SORCS3: variants seen among roughly 807,000 people sequenced by gnomAD.
The protein encoded by SORCS3 is VPS10 domain-containing receptor SorCS3.
Under a neutral mutation model 146.3 loss-of-function variants are expected in SORCS3, and 57 were observed. The ratio of observed to expected loss-of-function variants is 0.39; its 90% CI spans 0.31 to 0.49. The LOEUF (loss-of-function observed/expected upper bound fraction) is 0.49, where lower values mean the gene tolerates loss of function less well. Among genes scored for constraint, SORCS3 ranks in the 20% least tolerant of loss-of-function variants. SORCS3 has a pLI of 0.92. For missense variants in SORCS3, 1,341 were observed against 1,575.5 expected, an observed-to-expected ratio of 0.85 and a Z score of 2.52; for synonymous variants, 653 against 618.5, an observed-to-expected ratio of 1.06 and a Z score of -0.83.
chr10:105,001,429 G>A (rs1297858031), intron 4 of SORCS3, among the ~76,000 whole-genome samples: 5 of 152,342 alleles, frequency 3.3e-5, no homozygotes, highest in African/African-American at 1.2e-4. Context: ...TGTCTAAGTG[G>A]TTCTTTGAAG....
intron 23 of SORCS3, among the ~76,000 whole-genome samples, chr10:105,255,118 G>A (rs189100898): frequency 2.6e-5 from 4 of 151,324 alleles, no homozygotes; most frequent in South Asian, 4.2e-4. Context: ...AACCCGGGGG[G>A]GCGGAGCCTG....
At chr10:104,853,013 G>T (rs145481274) in intron 2 of SORCS3, among the ~76,000 whole-genome samples, 40 of 152,230 alleles carry the variant, frequency 2.6e-4, no homozygotes, top group Admixed American at 4.6e-4. Flanking sequence ...AAAAACTGGG[G>T]AATAGGCCGG....
intron 2 of SORCS3, among the ~76,000 whole-genome samples, chr10:104,876,595 G>A (rs1349379588): frequency 1.3e-5 from 2 of 152,104 alleles, no homozygotes; most frequent in African/African-American, 2.4e-5. Context: ...TCATGGCTCT[G>A]ACCCTTGTTG....
chr10:105,245,813 G>T, intron 21 of SORCS3, 148 bp downstream of exon 21: 1 of 907,620 alleles, frequency 1.1e-6, no homozygotes, highest in Non-Finnish European at 1.6e-6. Flanking sequence ...ACCTACCTCC[G>T]ACCTAGAGAT....
At chr10:104,908,943 G>T (rs2018936821) in intron 2 of SORCS3, among the ~76,000 whole-genome samples, 1 of 152,162 alleles carries the variant, frequency 6.6e-6, no homozygotes, top group Admixed American at 6.5e-5. Context: ...TGGCAGCCAG[G>T]CAGGGAAGGA....
chr10:105,151,769 A>G (rs961966022), intron 9 of SORCS3, among the ~76,000 whole-genome samples: 6 of 151,852 alleles, frequency 4.0e-5, no homozygotes, highest in Non-Finnish European at 5.9e-5. Flanking sequence ...AATCTGTTGG[A>G]GTTGTCTCCT....
intron 2 of SORCS3, among the ~76,000 whole-genome samples, chr10:104,849,001 A>G (rs2018238923): frequency 6.6e-6 from 1 of 152,246 alleles, no homozygotes; most frequent in Admixed American, 6.5e-5. Context: ...CATTCCATAA[A>G]AAATACAAAA....
intron 3 of SORCS3, among the ~76,000 whole-genome samples, chr10:104,970,254 C>G (rs182263050): frequency 9.9e-5 from 15 of 152,242 alleles, no homozygotes; most frequent in Middle Eastern, 6.8e-3. Flanking sequence ...TCAAGTGATT[C>G]TCATGCCTCA....
chr10:104,910,495 G>A (rs780150754), intron 2 of SORCS3, among the ~76,000 whole-genome samples: 3 of 152,182 alleles, frequency 2.0e-5, no homozygotes, highest in Non-Finnish European at 4.4e-5. Context: ...CTAGATAGCA[G>A]TTAAAGTGAA....
At chr10:104,842,706 T>C in intron 1 of SORCS3, 86 bp from the exon 2 acceptor site, 4 of 1,010,600 alleles carry the variant, frequency 4.0e-6, no homozygotes, top group Non-Finnish European at 6.2e-6. Context: ...GGAGATGCAT[T>C]ATATATTGTT....
At chr10:105,211,334 T>C in intron 17 of SORCS3, 84 bp downstream of exon 17, 3 of 896,326 alleles carry the variant, frequency 3.3e-6, no homozygotes, top group Non-Finnish European at 3.7e-6. Context: ...TGCTATTGAA[T>C]ACAATGGAGT....
chr10:105,241,534 A>G (rs907994362), intron 20 of SORCS3, among the ~76,000 whole-genome samples: 1 of 152,166 alleles, frequency 6.6e-6, no homozygotes, highest in African/African-American at 2.4e-5. Context: ...GGCCAGTGTG[A>G]CAGTCTTTCT....
chr10:104,819,848 G>T (rs554248393), intron 1 of SORCS3, among the ~76,000 whole-genome samples: 2 of 152,204 alleles, frequency 1.3e-5, no homozygotes, highest in African/African-American at 4.8e-5. Flanking sequence ...AGGGTGGAGA[G>T]GCAGGAGGGA....
chr10:104,644,514 C>G (rs2015468166), intron 1 of SORCS3, among the ~76,000 whole-genome samples: 1 of 152,198 alleles, frequency 6.6e-6, no homozygotes, highest in South Asian at 2.1e-4. Context: ...TCCTGTCCCC[C>G]TTTCCTGATG....
intron 5 of SORCS3, among the ~76,000 whole-genome samples, chr10:105,044,781 G>A (rs2055358484): frequency 6.6e-6 from 1 of 151,416 alleles, no homozygotes; most frequent in Admixed American, 6.6e-5. Flanking sequence ...TATTGCTCTT[G>A]ACTCAACACC....
intron 1 of SORCS3, among the ~76,000 whole-genome samples, chr10:104,831,425 T>C (rs1393385826): frequency 6.6e-6 from 1 of 152,158 alleles, no homozygotes; most frequent in Non-Finnish European, 1.5e-5. Flanking sequence ...CCAAAAGTGA[T>C]GGAAGGGAAG....
rs1281087550 is a variant in SORCS3, at chr10:104,740,799, T to C, written c.627+98845T>C. Among the ~76,000 whole-genome samples the C allele has an allele frequency of 3.3e-5, 5 of 152,136 alleles. No individual in the cohort carries two copies. In the East Asian group the frequency reaches 9.6e-4, roughly 29 times the overall value. ...AAATAATAATGTAGAAGGGGTGAGA[T>C]TCTGGGGATTTGAGGGCTTAATTTT... On this transcript the variant is annotated intron_variant, in intron 1 of 26. Coordinates refer to ENST00000369701, the MANE Select transcript of SORCS3 (RefSeq NM_014978.3).
intron 1 of SORCS3, among the ~76,000 whole-genome samples, chr10:104,737,014 C>G (rs1314257906): frequency 2.0e-5 from 3 of 151,850 alleles, no homozygotes; most frequent in African/African-American, 4.8e-5. Context: ...CCATCTATGA[C>G]TGAGAACATG....
intron 2 of SORCS3, among the ~76,000 whole-genome samples, chr10:104,897,572 T>C (rs2018810846): frequency 2.0e-5 from 3 of 152,228 alleles, no homozygotes; most frequent in African/African-American, 4.8e-5. Context: ...AGCTGTATGT[T>C]CATCTAAGAT....
Sources: allele counts gnomAD v4.1 joint callset (sites outside exome capture counted in the v4.1 genomes callset), GRCh38; gene constraint gnomAD v4.1.1; transcripts MANE v1.5; gene names NCBI Gene and HGNC (gene_info 2026-07-23, HGNC 2026-07-21).